OOSP2: variants seen among roughly 807,000 people sequenced by gnomAD.
The protein encoded by OOSP2 is oocyte secreted protein 2.
A neutral mutation model predicts 13.4 loss-of-function variants in OOSP2; 7 were observed. The ratio of observed to expected loss-of-function variants is 0.52; its 90% CI spans 0.30 to 0.98. The LOEUF (loss-of-function observed/expected upper bound fraction) is 0.98, where lower values mean the gene tolerates loss of function less well. Among genes scored for constraint, OOSP2 ranks in the 50% least tolerant of loss-of-function variants. OOSP2 has a pLI of 0.07. For synonymous variants in OOSP2, 75 were observed against 67.2 expected (o/e 1.12, Z -0.57); for missense variants, 184 against 188.5 (o/e 0.98, Z 0.14).
At chr11:60,046,167 C>T (rs1380442816) in intron 3 of OOSP2, among the ~76,000 whole-genome samples, 1 of 151,498 alleles carries the variant, frequency 6.6e-6, no homozygotes, top group Non-Finnish European at 1.5e-5. Flanking sequence ...CTCTGTCTCT[C>T]GCTCTGCCTC....
chr11:60,041,523 T>C (rs1854927536), intron 1 of OOSP2, among the ~76,000 whole-genome samples: 2 of 152,114 alleles, frequency 1.3e-5, no homozygotes, highest in Non-Finnish European at 2.9e-5. Flanking sequence ...TCTCAGGCTT[T>C]TCTCAGCTAT....
chr11:60,045,724 T>A (rs1408438160), intron 3 of OOSP2, among the ~76,000 whole-genome samples: 2 of 152,228 alleles, frequency 1.3e-5, no homozygotes, highest in Admixed American at 6.5e-5. Context: ...GATACCATTT[T>A]AAGTGTACAG....
intron 3 of OOSP2, 167 bp from the exon 4 acceptor site, chr11:60,046,777 A>G: frequency 1.3e-6 from 1 of 751,134 alleles, no homozygotes; most frequent in Non-Finnish European, 2.5e-6. Context: ...CTATCTGCTC[A>G]AATCCTGTAC....
In OOSP2 at chr11:60,046,961, C is replaced by T; in HGVS notation, c.365C>T (p.Thr122Ile). ...TTCTTTAGGAAATCAGTGTGGCTTACACCAGTTTCTACTGAGAATGAAATA... is the reference window on the plus strand; with the variant it reads ...TTCTTTAGGAAATCAGTGTGGCTTATACCAGTTTCTACTGAGAATGAAATA... Reference protein sequence around the residue: ...CSTSRKSVWLTPVSTENEIKL... With the variant: ...CSTSRKSVWLIPVSTENEIKL... Residue 122 changes from threonine to isoleucine, a missense_variant, in exon 4 of 4, where the codon ACA becomes ATA. Coordinates refer to ENST00000278855, the MANE Select transcript of OOSP2 (RefSeq NM_173801.5). The T allele has an allele frequency of 6.2e-7, 1 of 1,610,514 alleles. No homozygotes were observed. The highest frequency in any genetic ancestry group is 8.5e-7 in the Non-Finnish European group (1 of 1,177,046).
Position 60,044,720 on chromosome 11 carries a change from C to G in OOSP2, c.293C>G (p.Pro98Arg). ...TTTCAAACCGAGCTGTACTTTACCC[C>G]AAGGAATATAGATCATGACCCTCAG... ...LLFQTELYFT[P>R]RNIDHDPQEI... The change falls in exon 3 of 4, where the codon CCA (proline) becomes CGA (arginine). Residue 98 changes from proline (P) to arginine (R), a missense_variant. Coordinates refer to ENST00000278855, the MANE Select transcript of OOSP2 (RefSeq NM_173801.5). 5 of 1,605,288 alleles carry G rather than the reference C, an allele frequency of 3.1e-6. No individual in the cohort carries two copies. Among genetic ancestry groups the G allele is most frequent in the African/African-American group, 1.3e-5 (1 of 74,872 alleles).
intron 3 of OOSP2, among the ~76,000 whole-genome samples, chr11:60,045,417 T>A (rs1329876952): frequency 1.3e-5 from 2 of 151,968 alleles, no homozygotes; most frequent in Non-Finnish European, 2.9e-5. Flanking sequence ...GTCTTATAAA[T>A]CTGAGTGAAG....
intron 3 of OOSP2, chr11:60,046,586 T>G (rs1855010855): frequency 2.3e-6 from 1 of 430,592 alleles, no homozygotes; most frequent in South Asian, 1.7e-5. Context: ...TGGGACAGAT[T>G]AAGCTTTTGG....
rs1019182229 is a variant in OOSP2, at chr11:60,047,920, A to G, written c.*847A>G. 6.6e-6 allele frequency: 1 copy of G among 152,172 alleles called. No homozygotes were observed. Among genetic ancestry groups the G allele is most frequent in the Non-Finnish European group, 1.5e-5 (1 of 68,008 alleles). The allele number at this position is 152,172 out of a possible 1,614,324, so 9.4% of individuals were successfully genotyped here. ...TCAAGGGTGAGAATTGAACTGTGCC[A>G]TTGGCTATTCAATAGCTTATTGAAT... is the stretch of plus-strand genomic sequence containing the variant. On this transcript the variant is annotated 3_prime_UTR_variant, in exon 4 of 4. Transcript: ENST00000278855.
chr11:60,041,696 CA>C (rs1854929231), intron 1 of OOSP2, among the ~76,000 whole-genome samples: 1 of 151,588 alleles, frequency 6.6e-6, no homozygotes, highest in Non-Finnish European at 1.5e-5. Context: ...ACTAAAAATA[CA>C]AAAAGTAGCC....
Position 60,047,818 on chromosome 11 carries a change from T to C in OOSP2, c.*745T>C, listed in dbSNP as rs188637451. 171 of 152,274 alleles carry C rather than the reference T, an allele frequency of 1.1e-3. No homozygotes were observed. Among genetic ancestry groups the C allele is most frequent in the African/African-American group, 3.7e-3 (154 of 41,566 alleles). 9.4% of individuals were successfully genotyped at this position (152,274 alleles called of 1,614,324 possible). ...TTATTTATTACCACCTACTTTATAC[T>C]ATCTTCCTTTCTTTAAACATGGAGT... On this transcript the variant is annotated 3_prime_UTR_variant, in exon 4 of 4. Transcript: ENST00000278855.
Position 60,046,860 on chromosome 11 carries a change from A to G in OOSP2, c.348-84A>G, listed in dbSNP as rs979233477. 1.9e-5 allele frequency: 20 copies of G among 1,067,106 alleles called. No individual in the cohort carries two copies. The African/African-American group carries it at 2.0e-4, about 11-fold the overall frequency. 66.1% of individuals were successfully genotyped at this position (1,067,106 alleles called of 1,614,324 possible). A position where few individuals can be genotyped will look rare whatever the true frequency, so the allele number is the denominator to read the frequency against. On this transcript the variant is annotated intron_variant, in intron 3 of 3. Transcript: ENST00000278855. Reference sequence around the variant, plus strand: ...ATACTCCTGAATGACTATTCTGTATATGATCATGATATTAAACAGTGGTAA... The same window carrying G: ...ATACTCCTGAATGACTATTCTGTATGTGATCATGATATTAAACAGTGGTAA...
At chr11:60,041,838 G>A (rs543236026) in intron 1 of OOSP2, among the ~76,000 whole-genome samples, 125 of 95,466 alleles carry the variant, frequency 1.3e-3, no homozygotes, top group Non-Finnish European at 1.8e-3. Context: ...GTGACAGAGC[G>A]AGACTCTGTC....
At chr11:60,041,929 C>T (rs1242045551) in intron 1 of OOSP2, among the ~76,000 whole-genome samples, 1 of 149,218 alleles carries the variant, frequency 6.7e-6, no homozygotes, top group Non-Finnish European at 1.5e-5. Context: ...GTAATCCCAG[C>T]ACTTTGGGAG....
In OOSP2 at chr11:60,044,737, G is replaced by T; in HGVS notation, c.310G>T (p.Asp104Tyr). ...CTTTACCCCAAGGAATATAGATCAT[G>T]ACCCTCAGGAAATCCATTTGGAGTG... ...LYFTPRNIDH[D>Y]PQEIHLECST... The change falls in exon 3 of 4, where the codon GAC (aspartate) becomes TAC (tyrosine). Residue 104 changes from aspartate (D) to tyrosine (Y), a missense_variant. Transcript: ENST00000278855. The T allele has an allele frequency of 6.2e-7, 1 of 1,601,664 alleles. No individual in the cohort carries two copies. Among genetic ancestry groups the T allele is most frequent in the Non-Finnish European group, 8.6e-7 (1 of 1,169,200 alleles).
intron 1 of OOSP2, among the ~76,000 whole-genome samples, chr11:60,042,436 A>G (rs1368583173): frequency 6.6e-6 from 1 of 152,186 alleles, no homozygotes; most frequent in East Asian, 1.9e-4. Context: ...ATTTCTCTCT[A>G]AAGGCGGAAC....
At chr11:60,046,712 A>G in intron 3 of OOSP2, 1 of 636,800 alleles carries the variant, frequency 1.6e-6, no homozygotes, top group South Asian at 1.5e-5. Flanking sequence ...CTTTCTACTC[A>G]GTGTTTGATG....
chr11:60,046,637 C>T (rs1855011352), intron 3 of OOSP2: 1 of 493,700 alleles, frequency 2.0e-6, no homozygotes, highest in Non-Finnish European at 4.0e-6. Flanking sequence ...TTGGCTGAGT[C>T]TGTTTTGCTG....
intron 1 of OOSP2, among the ~76,000 whole-genome samples, chr11:60,041,722 G>C (rs1372765724): frequency 1.3e-5 from 2 of 151,772 alleles, no homozygotes; most frequent in Non-Finnish European, 2.9e-5. Flanking sequence ...GTAGTGGTGG[G>C]CGCCTGTAAT....
At chr11:60,043,391 G>A (rs373233504) in intron 1 of OOSP2, 78 bp from the exon 2 acceptor site, 2 of 845,678 alleles carry the variant, frequency 2.4e-6, no homozygotes. Flanking sequence ...TTATCACAGA[G>A]GGCAGAGTTG....
Sources: gnomAD v4.1 joint callset for allele counts (sites outside exome capture counted in the v4.1 genomes callset) on GRCh38, gnomAD v4.1.1 for gene constraint, MANE v1.5 for transcripts, NCBI Gene and HGNC (gene_info 2026-07-23, HGNC 2026-07-21) for gene names.